BAIAP3: variants seen among roughly 807,000 people sequenced by gnomAD.
The protein encoded by BAIAP3 is BAI1-associated protein 3.
Under a neutral mutation model 149.7 loss-of-function variants are expected in BAIAP3, and 180 were observed. The ratio of observed to expected loss-of-function variants is 1.20; its 90% CI spans 1.07 to 1.36. BAIAP3 has a LOEUF of 1.36. BAIAP3 is among the 40% of genes most tolerant of loss of function. The probability of loss-of-function intolerance (pLI) is 0.00; values close to 1 mark genes in which losing one functional copy is unlikely to be tolerated. For synonymous variants in BAIAP3, 845 were observed against 670.7 expected (o/e 1.26, Z -4.02); for missense variants, 1,767 against 1,563.4 (o/e 1.13, Z -2.20).
chr16:1,345,638 G>GCCT, intron 22 of BAIAP3, 109 bp from the exon 23 acceptor site: 1 of 314,830 alleles, frequency 3.2e-6, no homozygotes, highest in African/African-American at 6.0e-5. Flanking sequence ...CACAACCCCA[G>GCCT]CCTCCCCGGC....
rs370223637 is a variant in BAIAP3, at chr16:1,341,999, G to A, written c.790G>A (p.Asp264Asn). ...LHLDIWDHDD[D>N]VSLVEACRKL... ...TGTCCCCACCAGGGATCATGACGAC[G>A]ATGTATCCCTGGTAGAAGCGTGCAG... The change falls in exon 10 of 34, where the codon GAT becomes AAT. Residue 264 changes from aspartate (D) to asparagine (N), a missense_variant. By Grantham distance (23) the Asp-to-Asn change is conservative (BLOSUM62 1). Transcript: ENST00000426824. The A allele has an allele frequency of 1.9e-5, 31 of 1,601,268 alleles. No individual in the cohort carries two copies. Among genetic ancestry groups the A allele is most frequent in the African/African-American group, 4.0e-5 (3 of 74,554 alleles).
intron 1 of BAIAP3, chr16:1,334,359 C>G (rs1001316162): frequency 4.6e-6 from 2 of 432,372 alleles, no homozygotes; most frequent in African/African-American, 4.0e-5. Flanking sequence ...AGACTCACCC[C>G]GGACCGCCCG....
chr16:1,343,980 G>A (rs2141597563), intron 15 of BAIAP3, 42 bp from the exon 16 acceptor site: 2 of 1,608,212 alleles, frequency 1.2e-6, no homozygotes. Context: ...CTCATCAGTG[G>A]CCGGTCGGGG....
Position 1,347,730 on chromosome 16 carries a change from C to G in BAIAP3, c.2934C>G (p.Arg978=). 1 of 1,610,170 alleles carries G rather than the reference C, an allele frequency of 6.2e-7. No individual in the cohort carries two copies. Residue 978 remains arginine (R), a synonymous_variant, in exon 31 of 34, where the codon CGC becomes CGG. Transcript: ENST00000426824. ...CCCTGGAGCAGAACCGGTTTGGACG[C>G]CTGAGCGTCCGTTGCCATTACGAGG... ...QRTLEQNRFG[R]LSVRCHYEAA...
chr16:1,345,692 ACCTCCCCAG>A (rs2034300868), intron 22 of BAIAP3, 46 bp from the exon 23 acceptor site: 6 of 102,848 alleles, frequency 5.8e-5, no homozygotes, highest in Admixed American at 2.9e-4. Context: ...CGCCTCCCCC[ACCTCCCCAG>A]CCTCCCCTGC....
rs781157290 is a variant in BAIAP3 at position 1,346,958 on chromosome 16, A to G, written c.2751+3A>G. On this transcript the variant is annotated splice_donor_region_variant and intron_variant, in intron 28 of 33. Transcript: ENST00000426824. ...GCCGCTTCCATTTCACGCTGGAGGT[A>G]GAGCTCTGTGAAGGAGTCCTCCCCG... 2.5e-6 allele frequency: 4 copies of G among 1,603,370 alleles called. No homozygotes were observed. In the South Asian group the frequency reaches 3.3e-5, roughly 13 times the overall value.
intron 1 of BAIAP3, chr16:1,336,093 C>A (rs1227787006): frequency 4.2e-6 from 2 of 477,124 alleles, no homozygotes; most frequent in African/African-American, 2.1e-5. Flanking sequence ...GGCCACTTGG[C>A]TCCTGCGTCA....
chr16:1,340,940 G>A lies in BAIAP3; in HGVS notation c.427G>A (p.Glu143Lys), dbSNP rs1484418532. Residue 143 changes from glutamate to lysine, a missense_variant, in exon 6 of 34, where the codon GAG becomes AAG. By Grantham distance (56) the Glu-to-Lys change is moderately conservative (BLOSUM62 1). Transcript: ENST00000426824. ...YLQQVFGTSLEEHTEAIERVR... is the reference protein window; with the variant it reads ...YLQQVFGTSLKEHTEAIERVR... ...TCCACAGGTGTTTGGCACCAGCCTT[G>A]AGGAGCACACTGAGGCCATCGAGCG... The A allele has an allele frequency of 6.3e-7, 1 of 1,579,780 alleles. No homozygotes were observed. Among genetic ancestry groups the A allele is most frequent in the Non-Finnish European group, 8.6e-7 (1 of 1,163,180 alleles).
At chr16:1,336,302 G>A (rs1007166101) in intron 1 of BAIAP3, 1 of 985,430 alleles carries the variant, frequency 1.0e-6, no homozygotes, top group East Asian at 1.1e-4. Context: ...CTGGCTGTGG[G>A]GGTGACAGCT....
At chr16:1,337,657 C>T (rs879740522) in intron 1 of BAIAP3, among the ~76,000 whole-genome samples, 1 of 152,204 alleles carries the variant, frequency 6.6e-6, no homozygotes, top group African/African-American at 2.4e-5. Flanking sequence ...TCTGTCCCAG[C>T]GGTGACATCT....
At chr16:1,344,903 T>C in intron 20 of BAIAP3, 54 bp downstream of exon 20, 1 of 1,613,692 alleles carries the variant, frequency 6.2e-7, no homozygotes. Flanking sequence ...AGTGGGCAGA[T>C]GCCCTTGGCT....
Position 1,349,026 on chromosome 16 carries a change from G to A in BAIAP3, c.*544G>A, listed in dbSNP as rs2034578614. Reference sequence around the variant, plus strand: ...GTCTCCAGTCCCCACGGGGCTCCCAGGCCGGGGAAAGGTTCCCCTGAGGTC... The same window carrying A: ...GTCTCCAGTCCCCACGGGGCTCCCAAGCCGGGGAAAGGTTCCCCTGAGGTC... On this transcript the variant is annotated 3_prime_UTR_variant, in exon 34 of 34. Transcript: ENST00000426824. 1.1e-5 allele frequency: 3 copies of A among 285,460 alleles called. No individual in the cohort carries two copies. Among genetic ancestry groups the A allele is most frequent in the Non-Finnish European group, 2.0e-5 (3 of 148,576 alleles). The allele number at this position is 285,460 out of a possible 1,614,324, so 17.7% of individuals were successfully genotyped here. A position where few individuals can be genotyped will look rare whatever the true frequency, so the allele number is the denominator to read the frequency against.
At chr16:1,336,727 T>C (rs4984815) in intron 1 of BAIAP3, among the ~76,000 whole-genome samples, 139,541 of 152,256 alleles carry the variant, frequency 0.92, 63,991 homozygotes, top group East Asian at 1. Context: ...TGTGGGGAGC[T>C]GGCCTGGCAT....
Position 1,349,235 on chromosome 16 carries a change from G to T in BAIAP3, c.*753G>T. 3.1e-6 allele frequency: 2 copies of T among 646,902 alleles called. No homozygotes were observed. The highest frequency in any genetic ancestry group is 3.6e-5 in the South Asian group (2 of 55,338). The allele number at this position is 646,902 out of a possible 1,614,324, so 40.1% of individuals were successfully genotyped here. A position where few individuals can be genotyped will look rare whatever the true frequency, so the allele number is the denominator to read the frequency against. On this transcript the variant is annotated 3_prime_UTR_variant, in exon 34 of 34. Coordinates refer to ENST00000426824, the MANE Select transcript of BAIAP3 (RefSeq NM_001199097.2). ...CCCAGTGTGAAAAACAGACTCACAA[G>T]GGGCTTCTTGGCCTGCAGCTTCATT...
rs764711959 is a variant in BAIAP3 at position 1,341,996 on chromosome 16, G to T, written c.787G>T (p.Asp263Tyr). 1.9e-6 allele frequency: 3 copies of T among 1,600,002 alleles called. No homozygotes were observed. The highest frequency in any genetic ancestry group is 1.1e-5 in the South Asian group (1 of 89,238). Residue 263 changes from aspartate to tyrosine, a missense_variant, in exon 10 of 34, where the codon GAC (aspartate) becomes TAC (tyrosine). Physicochemically the swap from Asp to Tyr is radical, Grantham distance 160. Transcript: ENST00000426824. ...QLHLDIWDHD[D>Y]DVSLVEACRK... Reference sequence around the variant, plus strand: ...CCCTGTCCCCACCAGGGATCATGACGACGATGTATCCCTGGTAGAAGCGTG... The same window carrying T: ...CCCTGTCCCCACCAGGGATCATGACTACGATGTATCCCTGGTAGAAGCGTG...
rs754385215 is a variant in BAIAP3 at position 1,341,385 on chromosome 16, C to G, written c.627C>G (p.Phe209Leu). Residue 209 changes from phenylalanine (F) to leucine (L), a missense_variant, in exon 8 of 34, where the codon TTC (phenylalanine) becomes TTG (leucine). Coordinates refer to ENST00000426824, the MANE Select transcript of BAIAP3 (RefSeq NM_001199097.2). ...PRAQKEQRFG[F>L]RKGSKRGGPL... ...CACAGAAGGAGCAGCGCTTCGGCTT[C>G]CGCAAGGGCAGCAAGCGCGGTGGAC... The G allele has an allele frequency of 6.2e-7, 1 of 1,612,644 alleles. No individual in the cohort carries two copies. The highest frequency in any genetic ancestry group is 8.5e-7 in the Non-Finnish European group (1 of 1,179,912).
rs752004182 is a variant in BAIAP3 at position 1,346,014 on chromosome 16, C to T, written c.2237C>T (p.Thr746Met). 41 of 1,610,846 alleles carry T rather than the reference C, an allele frequency of 2.5e-5. No individual in the cohort carries two copies. Among genetic ancestry groups the T allele is most frequent in the African/African-American group, 4.0e-5 (3 of 74,902 alleles). ...GTGTGTGAGGCCACCCTCTTCTATA[C>T]GGAGCTGCTTCGGAAGAAGGTGGAC... ...QDVCEATLFY[T>M]ELLRKKVDTQ... is the part of the protein sequence containing the mutation. Residue 746 changes from threonine (T) to methionine (M), a missense_variant, in exon 24 of 34, where the codon ACG becomes ATG. Physicochemically the swap from Thr to Met is moderately conservative, Grantham distance 81. Transcript: ENST00000426824.
rs529071433 is a variant in BAIAP3 at position 1,334,364 on chromosome 16, C to G, written c.-11+615C>G. On this transcript the variant is annotated intron_variant, in intron 1 of 33. Transcript: ENST00000426824. ...ACCCGCCCCCAGACTCACCCCGGAC[C>G]GCCCGCCCCCTCCGAGGGGAGAGAC... 716 of 438,196 alleles carry G rather than the reference C, an allele frequency of 1.6e-3. 5 individuals are homozygous for G. Among genetic ancestry groups the G allele is most frequent in the Non-Finnish European group, 1.6e-3 (382 of 238,802 alleles). The allele number at this position is 438,196 out of a possible 1,614,324, so 27.1% of individuals were successfully genotyped here. A position where few individuals can be genotyped will look rare whatever the true frequency, so the allele number is the denominator to read the frequency against.
At chr16:1,344,742 C>T (rs769372174) in intron 19 of BAIAP3, 44 bp downstream of exon 19, 110 of 652,574 alleles carry the variant, frequency 1.7e-4, no homozygotes, top group Non-Finnish European at 2.1e-4. Flanking sequence ...GGGGTCGGAG[C>T]CAACAGGGCC....
Sources: allele counts gnomAD v4.1 joint callset (sites outside exome capture counted in the v4.1 genomes callset), GRCh38; gene constraint gnomAD v4.1.1; transcripts MANE v1.5; gene names NCBI Gene and HGNC (gene_info 2026-07-23, HGNC 2026-07-21).